The following OSBPL10 variants were observed in gnomAD, a reference collection of about 807,000 sequenced individuals.
OSBPL10 encodes oxysterol-binding protein-related protein 10.
A neutral mutation model predicts 81.7 loss-of-function variants in OSBPL10; 49 were observed. The ratio of observed to expected loss-of-function variants is 0.60; its 90% CI spans 0.48 to 0.76. OSBPL10 has a LOEUF of 0.76. OSBPL10 is among the 30% of genes least tolerant of loss of function. The pLI is 0.00. For missense variants in OSBPL10, 923 were observed against 987.8 expected (o/e 0.93, Z 0.88); for synonymous variants, 419 against 383.6 (o/e 1.09, Z -1.08).
At chr3:31,836,403 C>T (rs1700358363) in intron 3 of OSBPL10, among the ~76,000 whole-genome samples, 1 of 152,154 alleles carries the variant, frequency 6.6e-6, no homozygotes, top group South Asian at 2.1e-4. Context: ...CACGCAAATG[C>T]CAGATTTCTG....
intron 4 of OSBPL10, among the ~76,000 whole-genome samples, chr3:31,790,435 ATCC>A (rs1698981151): frequency 6.6e-6 from 1 of 152,216 alleles, no homozygotes; most frequent in South Asian, 2.1e-4. Context: ...GTCCTCAATC[ATCC>A]TCTGAATAAT....
chr3:31,775,989 G>A (rs543208102), intron 4 of OSBPL10, among the ~76,000 whole-genome samples: 11 of 152,128 alleles, frequency 7.2e-5, no homozygotes, highest in African/African-American at 2.2e-4. Context: ...TGAAGGATGG[G>A]GCAAAAACAA....
chr3:31,847,537 G>A (rs1196025416), intron 3 of OSBPL10, among the ~76,000 whole-genome samples: 1 of 152,058 alleles, frequency 6.6e-6, no homozygotes, highest in Non-Finnish European at 1.5e-5. Context: ...CCTCCTCAGA[G>A]CTGTCCTTTC....
intron 1 of OSBPL10, among the ~76,000 whole-genome samples, chr3:31,966,799 A>T (rs530031038): frequency 3.0e-4 from 45 of 152,362 alleles, no homozygotes; most frequent in Non-Finnish European, 5.6e-4. Flanking sequence ...AGCTAAAGCT[A>T]ACCTTACTAA....
chr3:31,953,415 C>CTGT (rs368951770), intron 1 of OSBPL10, among the ~76,000 whole-genome samples: 2 of 151,702 alleles, frequency 1.3e-5, no homozygotes, highest in African/African-American at 2.4e-5. Flanking sequence ...AGAAGTGATT[C>CTGT]TGTTGTTGTT....
At chr3:31,685,727 G>A (rs1025656479) in intron 7 of OSBPL10, among the ~76,000 whole-genome samples, 2 of 152,148 alleles carry the variant, frequency 1.3e-5, no homozygotes, top group African/African-American at 4.8e-5. Context: ...AAACATTTGG[G>A]AGGGTGTATG....
intron 2 of OSBPL10, chr3:31,989,766 T>A (rs769957770): frequency 6.2e-7 from 1 of 1,614,216 alleles, no homozygotes; most frequent in Non-Finnish European, 8.5e-7. Flanking sequence ...GAGAAAAATC[T>A]TTCCAATGTA....
At chr3:31,906,321 A>G (rs1696407760) in intron 1 of OSBPL10, among the ~76,000 whole-genome samples, 1 of 152,230 alleles carries the variant, frequency 6.6e-6, no homozygotes, top group African/African-American at 2.4e-5. Flanking sequence ...TATCAATAAT[A>G]TTATGAGTAT....
chr3:31,896,506 C>T (rs560251994), intron 1 of OSBPL10, among the ~76,000 whole-genome samples: 18 of 152,272 alleles, frequency 1.2e-4, no homozygotes, highest in African/African-American at 4.3e-4. Flanking sequence ...GGAGACGCCA[C>T]ACAAAATAAA....
At chr3:31,713,210 G>A (rs73066099) in intron 6 of OSBPL10, among the ~76,000 whole-genome samples, 9 of 152,066 alleles carry the variant, frequency 5.9e-5, no homozygotes, top group Non-Finnish European at 1.2e-4. Context: ...TTGCCCCCAC[G>A]ACTTCTCTAC....
intron 1 of OSBPL10, among the ~76,000 whole-genome samples, chr3:31,975,942 A>G (rs1371249819): frequency 6.6e-6 from 1 of 152,212 alleles, no homozygotes; most frequent in African/African-American, 2.4e-5. Context: ...GAGACCAAAA[A>G]AAGTAAAATA....
chr3:31,810,692 G>A (rs564048880), intron 4 of OSBPL10, among the ~76,000 whole-genome samples: 2 of 152,310 alleles, frequency 1.3e-5, no homozygotes, highest in South Asian at 4.1e-4. Context: ...ACGAAGTGAT[G>A]CTCAATCTCA....
At position 31,934,688 on chromosome 3, in the gene OSBPL10, GA is replaced by G. The variant is rs113331747; in HGVS notation, c.281+46210del. On this transcript the variant is annotated intron_variant, in intron 1 of 11. Coordinates refer to ENST00000396556, the MANE Select transcript of OSBPL10 (RefSeq NM_017784.5). Reference sequence around the variant, plus strand: ...TCCCAAGAGAAAATTCATTTTTATAGAAAAAAAAAGGCTGACTATATTACTA... The same window carrying G: ...TCCCAAGAGAAAATTCATTTTTATAGAAAAAAAAGGCTGACTATATTACTA... 8.7e-5 allele frequency among the ~76,000 whole-genome samples: 13 copies of G among 149,210 alleles called. 1 individual carries two copies. In the East Asian group the frequency reaches 1.4e-3, roughly 16 times the overall value.
At chr3:31,823,645 T>C (rs778179587) in intron 4 of OSBPL10, among the ~76,000 whole-genome samples, 2 of 152,168 alleles carry the variant, frequency 1.3e-5, no homozygotes, top group Non-Finnish European at 2.9e-5. Context: ...CTAAAATACT[T>C]TATTTAACTG....
intron 4 of OSBPL10, among the ~76,000 whole-genome samples, chr3:31,772,191 T>C (rs78969297): frequency 0.016 from 2,489 of 152,330 alleles, 63 homozygotes; most frequent in African/African-American, 0.056. Context: ...GGTCACAACA[T>C]TTTTATCAAC....
chr3:31,864,950 T>G (rs1417963021), intron 3 of OSBPL10, among the ~76,000 whole-genome samples: 1 of 151,810 alleles, frequency 6.6e-6, no homozygotes, highest in Non-Finnish European at 1.5e-5. Flanking sequence ...AGCTCCTGCC[T>G]TCAGATCAGT....
intron 3 of OSBPL10, among the ~76,000 whole-genome samples, chr3:31,845,535 A>ATT (rs1383517355): frequency 1.3e-5 from 2 of 152,212 alleles, no homozygotes; most frequent in African/African-American, 4.8e-5. Context: ...AGTAAGAAAA[A>ATT]AGTTAAACTA....
At chr3:31,833,737 A>ACACACACACTCT (rs1491340793) in intron 3 of OSBPL10, among the ~76,000 whole-genome samples, 4 of 139,848 alleles carry the variant, frequency 2.9e-5, no homozygotes, top group African/African-American at 8.3e-5. Context: ...ACACACACAC[A>ACACACACACTCT]CTCTCTCTCT....
At chr3:31,684,617 AGT>A (rs749482401) in intron 7 of OSBPL10, among the ~76,000 whole-genome samples, 3 of 152,176 alleles carry the variant, frequency 2.0e-5, no homozygotes, top group Non-Finnish European at 4.4e-5. Flanking sequence ...CACCAATGAC[AGT>A]GTGCACTGGG....
Sources: gnomAD v4.1 joint callset for allele counts (sites outside exome capture counted in the v4.1 genomes callset) on GRCh38, gnomAD v4.1.1 for gene constraint, MANE v1.5 for transcripts, NCBI Gene and HGNC (gene_info 2026-07-23, HGNC 2026-07-21) for gene names.